Variants in PIK3C2G observed in about 807,000 individuals in gnomAD.
PIK3C2G encodes phosphatidylinositol 3-kinase C2 domain-containing subunit gamma.
PIK3C2G carries 168 observed loss-of-function variants against 181.1 expected under a neutral mutation model. The observed-to-expected ratio is 0.93, with a 90% CI of 0.82 to 1.05. The LOEUF (loss-of-function observed/expected upper bound fraction) is 1.05. PIK3C2G is among the 50% of genes least tolerant of loss of function. The probability of loss-of-function intolerance (pLI) is 0.00; values close to 1 mark genes in which losing one functional copy is unlikely to be tolerated. For synonymous variants in PIK3C2G, 573 were observed against 592.2 expected (o/e 0.97, Z 0.47); for missense variants, 1,869 against 1,732.8 (o/e 1.08, Z -1.40).
At chr12:18,293,677 A>G (rs775036587) in intron 4 of PIK3C2G, among the ~76,000 whole-genome samples, 1 of 152,194 alleles carries the variant, frequency 6.6e-6, no homozygotes, top group Non-Finnish European at 1.5e-5. Context: ...GTTATATCAC[A>G]TGAAAGCAGA....
intron 5 of PIK3C2G, among the ~76,000 whole-genome samples, chr12:18,308,435 A>G (rs1234768810): frequency 6.6e-6 from 1 of 151,804 alleles, no homozygotes; most frequent in Non-Finnish European, 1.5e-5. Flanking sequence ...AACAAAATAA[A>G]CAATGAAGCC....
chr12:18,598,651 A>G (rs1459091588), intron 30 of PIK3C2G, among the ~76,000 whole-genome samples: 1 of 147,816 alleles, frequency 6.8e-6, no homozygotes, highest in East Asian at 2.0e-4. Flanking sequence ...GACAAATGGG[A>G]TCTAATTAAA....
chr12:18,648,918 C>T (rs190184196), downstream of PIK3C2G, among the ~76,000 whole-genome samples: 37 of 152,116 alleles, frequency 2.4e-4, no homozygotes, highest in Middle Eastern at 6.8e-3. Flanking sequence ...TAAATCCCTG[C>T]TTATTCAATG....
intron 1 of PIK3C2G, among the ~76,000 whole-genome samples, chr12:18,250,133 G>A (rs1045946305): frequency 2.6e-5 from 4 of 151,876 alleles, no homozygotes; most frequent in African/African-American, 7.2e-5. Context: ...AGAAAATATC[G>A]ACTGGAACTG....
intron 29 of PIK3C2G, among the ~76,000 whole-genome samples, chr12:18,572,381 A>AAT (rs1485470027): frequency 6.7e-6 from 1 of 148,186 alleles, no homozygotes; most frequent in Non-Finnish European, 1.5e-5. Context: ...AGCTATATAT[A>AAT]ATATATAATA....
intron 14 of PIK3C2G, among the ~76,000 whole-genome samples, chr12:18,382,948 A>T (rs1942936146): frequency 6.6e-6 from 1 of 152,198 alleles, no homozygotes; most frequent in African/African-American, 2.4e-5. Flanking sequence ...GCAGAGGAAG[A>T]TTCGACCACG....
intron 32 of PIK3C2G, among the ~76,000 whole-genome samples, chr12:18,645,165 AT>A (rs34920941): frequency 0.17 from 25,732 of 151,512 alleles, 2,731 homozygotes; most frequent in African/African-American, 0.29. Context: ...TACCAGAACC[AT>A]TTTTTTTTGT....
chr12:18,643,742 C>T (rs77196664), intron 32 of PIK3C2G, among the ~76,000 whole-genome samples: 3 of 152,056 alleles, frequency 2.0e-5, no homozygotes, highest in Non-Finnish European at 2.9e-5. Context: ...ACCAATAAGC[C>T]CAGTGCTTAC....
intron 11 of PIK3C2G, chr12:18,358,952 C>T (rs956873412): frequency 6.2e-6 from 1 of 160,270 alleles, no homozygotes; most frequent in African/African-American, 2.4e-5. Context: ...ACTGGTGCCA[C>T]TAATGCCAAC....
chr12:18,457,588 A>G (rs1947698746), intron 18 of PIK3C2G, among the ~76,000 whole-genome samples: 1 of 152,088 alleles, frequency 6.6e-6, no homozygotes, highest in African/African-American at 2.4e-5. Context: ...TTTTCCAGCA[A>G]GTACACACTC....
intron 31 of PIK3C2G, among the ~76,000 whole-genome samples, chr12:18,610,485 A>T (rs1190024161): frequency 7.9e-5 from 12 of 152,154 alleles, no homozygotes; most frequent in Non-Finnish European, 1.5e-4. Flanking sequence ...CATAATTTGA[A>T]GAGAATATGT....
the PIK3C2G span, among the ~76,000 whole-genome samples, chr12:18,725,593 C>T: frequency 6.6e-6 from 1 of 152,074 alleles, no homozygotes; most frequent in Admixed American, 6.6e-5. Context: ...CTCACTGTAC[C>T]TCCTTTGTCT....
chr12:18,666,016 T>A, the PIK3C2G span, among the ~76,000 whole-genome samples: 1 of 151,818 alleles, frequency 6.6e-6, no homozygotes, highest in Non-Finnish European at 1.5e-5. Context: ...TCGTATACTA[T>A]TAAATGTTAA....
chr12:18,702,882 A>C, the PIK3C2G span, among the ~76,000 whole-genome samples: 1 of 144,978 alleles, frequency 6.9e-6, no homozygotes, highest in South Asian at 2.2e-4. Flanking sequence ...GTGCAGTGAC[A>C]TGATCTCAGC....
At chr12:18,689,552 C>T in the PIK3C2G span, among the ~76,000 whole-genome samples, 1 of 152,126 alleles carries the variant, frequency 6.6e-6, no homozygotes, top group Admixed American at 6.6e-5. Context: ...ATATTGGACA[C>T]CCCTGGTTTA....
chr12:18,396,063 T>C (rs182687093), intron 15 of PIK3C2G, among the ~76,000 whole-genome samples: 7 of 151,734 alleles, frequency 4.6e-5, no homozygotes, highest in Non-Finnish European at 7.4e-5. Context: ...AGACATTAAA[T>C]GTAAATGCAC....
At chr12:18,250,490 A>G (rs1241635543) in intron 1 of PIK3C2G, among the ~76,000 whole-genome samples, 4 of 152,052 alleles carry the variant, frequency 2.6e-5, no homozygotes, top group Non-Finnish European at 5.9e-5. Context: ...TTAGAGAAGC[A>G]TTTCATTTCC....
At chr12:18,588,907 G>A (rs941752691) in intron 29 of PIK3C2G, among the ~76,000 whole-genome samples, 71 of 152,086 alleles carry the variant, frequency 4.7e-4, no homozygotes, top group African/African-American at 1.5e-3. Context: ...AATGCTATGC[G>A]GTCATAAAAA....
the PIK3C2G span, among the ~76,000 whole-genome samples, chr12:18,700,909 T>C: frequency 5.9e-5 from 9 of 152,120 alleles, no homozygotes; most frequent in East Asian, 1.7e-3. Flanking sequence ...GAAATTACGT[T>C]GTGTATCTCT....
Sources: allele counts gnomAD v4.1 joint callset (sites outside exome capture counted in the v4.1 genomes callset), GRCh38; gene constraint gnomAD v4.1.1; transcripts MANE v1.5; gene names NCBI Gene and HGNC (gene_info 2026-07-23, HGNC 2026-07-21).